Variants in PATJ observed in about 807,000 individuals in gnomAD.
PATJ encodes inaD-like protein.
Under a neutral mutation model 224.9 loss-of-function variants are expected in PATJ, and 190 were observed. The ratio of observed to expected loss-of-function variants is 0.84; its 90% confidence interval spans 0.75 to 0.95. The LOEUF (loss-of-function observed/expected upper bound fraction) is 0.95, where lower values mean the gene tolerates loss of function less well. PATJ is among the 40% of genes least tolerant of loss of function. PATJ has a pLI of 0.00. For missense variants in PATJ, 2,121 were observed against 2,270.3 expected (o/e 0.93, Z 1.34); for synonymous variants, 769 against 820.3 (o/e 0.94, Z 1.07).
At position 62,114,238 on chromosome 1, in the gene PATJ, T is replaced by C; in HGVS notation, c.4647T>C (p.Val1549=). The change falls in exon 35 of 44, where the codon GTT becomes GTC. Residue 1549 remains valine, a synonymous_variant. Coordinates refer to ENST00000642238, the MANE Select transcript of PATJ (RefSeq NM_001350145.3). ...GCCGGGGCCTGGGCCTGAGCATCGT[T>C]GGGAAACGGTAAAGACGTGCTGTGG... ...KAGRGLGLSI[V]GKRNGSGVFI... The C allele has an allele frequency of 3.1e-6, 5 of 1,613,934 alleles. No homozygotes were observed. The highest frequency in any genetic ancestry group is 3.4e-6 in the Non-Finnish European group (4 of 1,179,924).
chr1:62,160,903 T>G lies in PATJ; in HGVS notation c.5503-5T>G. 1 of 1,613,766 alleles carries G rather than the reference T, an allele frequency of 6.2e-7. No homozygotes were observed. The highest frequency in any genetic ancestry group is 8.5e-7 in the Non-Finnish European group (1 of 1,179,868). ...GGATTAAACTGAAATGTTTCTTGTT[T>G]GTAGGGAGCAGCTGCAGATGACGGC... On this transcript the variant is annotated splice_region_variant and splice_polypyrimidine_tract_variant and intron_variant, in intron 43 of 43. Transcript: ENST00000642238.
chr1:61,945,266 A>G (rs1678496265), intron 27 of PATJ, among the ~76,000 whole-genome samples: 1 of 152,226 alleles, frequency 6.6e-6, no homozygotes, highest in African/African-American at 2.4e-5. Context: ...GCTCCAATTA[A>G]AAGACACAGA....
intron 31 of PATJ, among the ~76,000 whole-genome samples, chr1:62,056,353 C>T (rs1654533244): frequency 6.6e-6 from 1 of 152,130 alleles, no homozygotes; most frequent in Non-Finnish European, 1.5e-5. Flanking sequence ...AGAGATAAAG[C>T]ACTGAAATGT....
intron 17 of PATJ, chr1:61,846,272 A>G (rs1190819496): frequency 2.0e-5 from 3 of 152,204 alleles, no homozygotes; most frequent in Admixed American, 1.3e-4. Flanking sequence ...GAGAAACTCA[A>G]ATCTTCATGA....
At chr1:61,897,559 T>A (rs2498996) in intron 22 of PATJ, among the ~76,000 whole-genome samples, 130,648 of 152,118 alleles carry the variant, frequency 0.86, 56,155 homozygotes, top group East Asian at 1. Context: ...TGCCACCAAT[T>A]TCACCTGTGA....
rs561669922 is a variant in PATJ, at chr1:62,149,819, T to A, written c.5378+1429T>A. Among the ~76,000 whole-genome samples, 121 of 148,322 alleles carry A rather than the reference T, an allele frequency of 8.2e-4. 4 individuals carry two copies. The East Asian group carries it at 0.02, about 25-fold the overall frequency. On this transcript the variant is annotated intron_variant, in intron 42 of 43. Coordinates refer to ENST00000642238, the MANE Select transcript of PATJ (RefSeq NM_001350145.3). ...TAACACTGGGATTTTTTTTTTTTTT[T>A]ACTAGCCTTCTATATGAAAGTAAAT... is the stretch of plus-strand genomic sequence containing the variant.
In PATJ at chr1:62,092,409, A is replaced by G. The variant is rs1051245204; in HGVS notation, c.4377+7761A>G. On this transcript the variant is annotated intron_variant, in intron 33 of 43. Transcript: ENST00000642238. The stretch of plus-strand genomic sequence containing the variant: ...AAAAAAAAAATGTGATTCAAGCACT[A>G]TTCTCTTTTTAGATTTAGATATTCT... Among the ~76,000 whole-genome samples, 11 of 151,838 alleles carry G rather than the reference A, an allele frequency of 7.2e-5. 1 individual carries two copies. The highest frequency in any genetic ancestry group is 5.2e-4 in the Admixed American group (8 of 15,244).
chr1:62,058,449 A>C (rs1357510375), intron 31 of PATJ, among the ~76,000 whole-genome samples: 1 of 152,202 alleles, frequency 6.6e-6, no homozygotes, highest in Non-Finnish European at 1.5e-5. Flanking sequence ...GACTGGGAAC[A>C]CTTGCTTTTC....
intron 27 of PATJ, among the ~76,000 whole-genome samples, chr1:61,979,413 G>C (rs1209126591): frequency 6.6e-6 from 1 of 152,032 alleles, no homozygotes; most frequent in African/African-American, 2.4e-5. Flanking sequence ...CCAGCACTTT[G>C]GGAGGCCAAG....
intron 41 of PATJ, among the ~76,000 whole-genome samples, chr1:62,135,427 A>G (rs1666727185): frequency 6.7e-6 from 1 of 149,332 alleles, no homozygotes; most frequent in South Asian, 2.2e-4. Flanking sequence ...GAGGCAGGAG[A>G]ATTGCTTGAA....
At chr1:61,777,635 C>T (rs374448966) in intron 7 of PATJ, among the ~76,000 whole-genome samples, 8 of 148,796 alleles carry the variant, frequency 5.4e-5, no homozygotes, top group African/African-American at 7.5e-5. Flanking sequence ...TGAAATATGT[C>T]GGTATTTGGA....
chr1:62,027,286 G>A (rs181784791), intron 29 of PATJ, among the ~76,000 whole-genome samples: 2 of 152,318 alleles, frequency 1.3e-5, no homozygotes, highest in Admixed American at 1.3e-4. Context: ...TCATGTCACA[G>A]CATGTGCTAG....
chr1:62,059,963 AAAG>A (rs1414874630), intron 31 of PATJ, among the ~76,000 whole-genome samples: 1 of 152,206 alleles, frequency 6.6e-6, no homozygotes, highest in African/African-American at 2.4e-5. Flanking sequence ...TTTACTGAGA[AAAG>A]AAACAGGAGG....
At chr1:61,947,647 A>G (rs1262633780) in intron 27 of PATJ, among the ~76,000 whole-genome samples, 1 of 152,216 alleles carries the variant, frequency 6.6e-6, no homozygotes, top group African/African-American at 2.4e-5. Flanking sequence ...ACCCAAGGTA[A>G]TTTATAGATT....
chr1:62,153,614 TA>T, intron 43 of PATJ, 133 bp downstream of exon 43: 1 of 486,198 alleles, frequency 2.1e-6, no homozygotes, highest in Non-Finnish European at 3.2e-6. Context: ...TTGAATCTTA[TA>T]GGAAATTCTC....
intron 27 of PATJ, among the ~76,000 whole-genome samples, chr1:61,971,496 C>T (rs1426665986): frequency 6.6e-6 from 1 of 151,680 alleles, no homozygotes; most frequent in African/African-American, 2.4e-5. Flanking sequence ...TGCCTGTAGT[C>T]CCAGCTACTC....
intron 31 of PATJ, among the ~76,000 whole-genome samples, chr1:62,059,975 G>A (rs1449626383): frequency 6.6e-6 from 1 of 152,136 alleles, no homozygotes; most frequent in African/African-American, 2.4e-5. Context: ...AGAAACAGGA[G>A]GAAGAGCAGA....
At chr1:62,106,121 A>ACAC (rs1558176204) in intron 33 of PATJ, among the ~76,000 whole-genome samples, 5 of 31,294 alleles carry the variant, frequency 1.6e-4, no homozygotes, top group Non-Finnish European at 3.6e-4. Context: ...CACACACACA[A>ACAC]ACACACATAT....
Position 61,960,114 on chromosome 1 carries a change from G to A in PATJ, c.3671-30054G>A, listed in dbSNP as rs372623661. 2.6e-5 allele frequency among the ~76,000 whole-genome samples: 4 copies of A among 152,180 alleles called. No individual in the cohort carries two copies. In the East Asian group the frequency reaches 7.7e-4, roughly 29 times the overall value. On this transcript the variant is annotated intron_variant, in intron 27 of 43. Coordinates refer to ENST00000642238, the MANE Select transcript of PATJ (RefSeq NM_001350145.3). ...AATGAGTCTAATTATCTTTGTATAA[G>A]TTTATATAAACCATTTATTTAGTGG... is the stretch of plus-strand genomic sequence containing the variant.
Sources: gnomAD v4.1 joint callset for allele counts (sites outside exome capture counted in the v4.1 genomes callset) on GRCh38, gnomAD v4.1.1 for gene constraint, MANE v1.5 for transcripts, NCBI Gene and HGNC (gene_info 2026-07-23, HGNC 2026-07-21) for gene names.